The following TMEFF2 variants were observed in gnomAD, a reference collection of about 807,000 sequenced individuals.
TMEFF2 encodes tomoregulin-2.
TMEFF2 carries 28 observed loss-of-function variants against 53.8 expected under a neutral mutation model. The ratio of observed to expected loss-of-function variants is 0.52; its 90% CI spans 0.39 to 0.71. The LOEUF (loss-of-function observed/expected upper bound fraction) is 0.71. Ranked by LOEUF, TMEFF2 falls within the 30% of genes least tolerant of loss-of-function variation. The pLI is 0.00. For synonymous variants in TMEFF2, 162 were observed against 166.3 expected (o/e 0.97, Z 0.20); for missense variants, 353 against 455.2 (o/e 0.78, Z 2.04).
At chr2:192,120,315 G>A (rs1689518834) in intron 4 of TMEFF2, among the ~76,000 whole-genome samples, 1 of 152,106 alleles carries the variant, frequency 6.6e-6, no homozygotes, top group South Asian at 2.1e-4. Context: ...CACACAAACT[G>A]TCTTTGGGTC....
At chr2:192,015,460 T>C (rs569895865) in intron 5 of TMEFF2, among the ~76,000 whole-genome samples, 3 of 152,010 alleles carry the variant, frequency 2.0e-5, no homozygotes, top group Non-Finnish European at 4.4e-5. Context: ...TCTGCAACTG[T>C]GGCTAAATTG....
intron 4 of TMEFF2, among the ~76,000 whole-genome samples, chr2:192,156,655 T>C (rs143321101): frequency 9.2e-5 from 14 of 152,186 alleles, no homozygotes; most frequent in African/African-American, 3.1e-4. Context: ...GCCAGAAATA[T>C]GTAGGCCATG....
chr2:192,023,576 C>G (rs923603382), intron 5 of TMEFF2, among the ~76,000 whole-genome samples: 5 of 152,104 alleles, frequency 3.3e-5, no homozygotes, highest in African/African-American at 4.8e-5. Flanking sequence ...GGTGGGCACT[C>G]TTTGTTTCTG....
At chr2:191,964,214 TTC>T (rs1291944979) in intron 7 of TMEFF2, among the ~76,000 whole-genome samples, 18 of 148,560 alleles carry the variant, frequency 1.2e-4, no homozygotes, top group Non-Finnish European at 1.5e-4. Context: ...CTTTCTCTCT[TTC>T]TGTCTGTCTT....
At position 191,980,611 on chromosome 2, in the gene TMEFF2, C is replaced by T. The variant is rs114235009; in HGVS notation, c.745+17651G>A. On this transcript the variant is annotated intron_variant, in intron 7 of 9. Coordinates refer to ENST00000272771, the MANE Select transcript of TMEFF2 (RefSeq NM_016192.4). Reference sequence around the variant, plus strand: ...GTTACCCAGGTATTTATTTGGTCATCTTTGCTTTTTCCTCCACTTGAATTC... The same window carrying T: ...GTTACCCAGGTATTTATTTGGTCATTTTTGCTTTTTCCTCCACTTGAATTC... 8.6e-3 allele frequency among the ~76,000 whole-genome samples: 1,312 copies of T among 152,200 alleles called. 12 individuals are homozygous for T. The highest frequency in any genetic ancestry group is 0.029 in the African/African-American group (1,202 of 41,540).
At chr2:191,971,224 G>GT (rs918583099) in intron 7 of TMEFF2, among the ~76,000 whole-genome samples, 19 of 152,260 alleles carry the variant, frequency 1.2e-4, no homozygotes, top group African/African-American at 3.6e-4. Flanking sequence ...TGATCTTATA[G>GT]TGTTAGTTTA....
At chr2:192,016,171 C>A (rs1415877706) in intron 5 of TMEFF2, among the ~76,000 whole-genome samples, 2 of 152,102 alleles carry the variant, frequency 1.3e-5, no homozygotes, top group Non-Finnish European at 2.9e-5. Flanking sequence ...CCAAAGCTGA[C>A]AGCATCCCCT....
chr2:192,164,487 T>C (rs1690706803), intron 4 of TMEFF2, among the ~76,000 whole-genome samples: 1 of 152,128 alleles, frequency 6.6e-6, no homozygotes, highest in Admixed American at 6.6e-5. Context: ...CCCAGCACTT[T>C]GGGAGGCTGA....
intron 5 of TMEFF2, among the ~76,000 whole-genome samples, chr2:192,006,090 C>A (rs986665146): frequency 2.8e-5 from 4 of 144,156 alleles, no homozygotes; most frequent in African/African-American, 7.5e-5. Flanking sequence ...TTATAGTGGG[C>A]AATCCTTTTA....
chr2:192,177,599 G>A (rs1446484397), intron 4 of TMEFF2: 1 of 150,696 alleles, frequency 6.6e-6, no homozygotes, highest in Non-Finnish European at 1.5e-5. Flanking sequence ...TGTGTTATAT[G>A]CTTTTTTTTT....
rs75824333 is a variant in TMEFF2 at position 192,014,772 on chromosome 2, G to T, written c.537-15564C>A. On this transcript the variant is annotated intron_variant, in intron 5 of 9. Transcript: ENST00000272771. Reference sequence around the variant, plus strand: ...AAGCAAATAAACTTGGGCCTGTTTTGGTTGAAACTACTTTCTGTGGGTTCA... The same window carrying T: ...AAGCAAATAAACTTGGGCCTGTTTTTGTTGAAACTACTTTCTGTGGGTTCA... Among the ~76,000 whole-genome samples the T allele has an allele frequency of 2.8e-3, 427 of 152,250 alleles. 2 individuals carry two copies. Among genetic ancestry groups the T allele is most frequent in the African/African-American group, 9.7e-3 (405 of 41,546 alleles).
At chr2:192,082,507 A>G (rs1688576932) in intron 4 of TMEFF2, among the ~76,000 whole-genome samples, 1 of 152,192 alleles carries the variant, frequency 6.6e-6, no homozygotes, top group African/African-American at 2.4e-5. Context: ...CAACTTTGCT[A>G]ACATTTTGTC....
intron 5 of TMEFF2, among the ~76,000 whole-genome samples, chr2:192,013,577 G>A (rs1295400861): frequency 6.6e-6 from 1 of 151,812 alleles, no homozygotes; most frequent in African/African-American, 2.4e-5. Context: ...CAGCCTCCAA[G>A]TAGCTGGAAT....
At chr2:192,125,008 C>T (rs967682205) in intron 4 of TMEFF2, among the ~76,000 whole-genome samples, 4 of 152,296 alleles carry the variant, frequency 2.6e-5, no homozygotes, top group African/African-American at 9.6e-5. Context: ...CTCTGTAAAA[C>T]TCTTATGACC....
chr2:191,993,910 C>A (rs1686164235), intron 7 of TMEFF2, among the ~76,000 whole-genome samples: 1 of 151,918 alleles, frequency 6.6e-6, no homozygotes. Flanking sequence ...CTAAATAGTT[C>A]CTTTATAATT....
At chr2:191,995,658 G>T (rs1180596399) in intron 7 of TMEFF2, among the ~76,000 whole-genome samples, 2 of 152,042 alleles carry the variant, frequency 1.3e-5, no homozygotes, top group Non-Finnish European at 2.9e-5. Flanking sequence ...GCTTGGAAAT[G>T]TTGAGGAACA....
intron 5 of TMEFF2, chr2:192,036,336 A>C (rs1213406786): frequency 6.6e-6 from 1 of 152,216 alleles, no homozygotes; most frequent in Non-Finnish European, 1.5e-5. Flanking sequence ...AGCAGAATGC[A>C]CTTCAAAGAC....
intron 7 of TMEFF2, among the ~76,000 whole-genome samples, chr2:191,964,410 T>TTCTTTC (rs1553508007): frequency 8.3e-4 from 93 of 112,096 alleles, no homozygotes; most frequent in Non-Finnish European, 1.2e-3. Flanking sequence ...CTTTCTTTCT[T>TTCTTTC]TCTTTCTTTC....
At chr2:192,148,132 T>A (rs1348112709) in intron 4 of TMEFF2, among the ~76,000 whole-genome samples, 1 of 152,002 alleles carries the variant, frequency 6.6e-6, no homozygotes, top group Non-Finnish European at 1.5e-5. Context: ...TGGGCTATAT[T>A]TCAAGGACAA....
Sources: allele counts gnomAD v4.1 joint callset (sites outside exome capture counted in the v4.1 genomes callset), GRCh38; gene constraint gnomAD v4.1.1; transcripts MANE v1.5; gene names NCBI Gene and HGNC (gene_info 2026-07-23, HGNC 2026-07-21).